Variants in DUSP11 observed in about 807,000 individuals in gnomAD.
The protein encoded by DUSP11 is dual specificity phosphatase 11.
Under a neutral mutation model 41.4 loss-of-function variants are expected in DUSP11, and 27 were observed. The ratio of observed to expected loss-of-function variants is 0.65; its 90% CI spans 0.48 to 0.90. The LOEUF (loss-of-function observed/expected upper bound fraction) is 0.90. Among genes scored for constraint, DUSP11 ranks in the 40% least tolerant of loss-of-function variants. The pLI is 0.00. For synonymous variants in DUSP11, 188 were observed against 159.3 expected (o/e 1.18, Z -1.35); for missense variants, 465 against 461.1 (o/e 1.01, Z -0.08).
At chr2:73,771,331 G>A (rs1260451350) in intron 4 of DUSP11, among the ~76,000 whole-genome samples, 2 of 152,174 alleles carry the variant, frequency 1.3e-5, no homozygotes, top group Non-Finnish European at 2.9e-5. Context: ...TTTAGGCCCT[G>A]TGCCTTTTGT....
intron 4 of DUSP11, among the ~76,000 whole-genome samples, chr2:73,770,345 T>A (rs1474595361): frequency 6.6e-6 from 1 of 151,460 alleles, no homozygotes; most frequent in African/African-American, 2.4e-5. Context: ...TGAAACCCCA[T>A]CTCTACTAAA....
chr2:73,769,624 A>G (rs1672534514), intron 4 of DUSP11, among the ~76,000 whole-genome samples: 1 of 152,252 alleles, frequency 6.6e-6, no homozygotes, highest in Non-Finnish European at 1.5e-5. Context: ...TTATACAAAA[A>G]GGGAGTGAAA....
exon 1 of DUSP11, chr2:73,779,906 G>A: frequency 1.2e-6 from 2 of 1,614,192 alleles, no homozygotes; most frequent in South Asian, 2.2e-5. Context: ...CCTTCTTCTT[G>A]GCTGAGGAGC....
intron 5 of DUSP11, chr2:73,768,669 G>T (rs1672516155): frequency 1.0e-6 from 1 of 985,332 alleles, no homozygotes; most frequent in Non-Finnish European, 1.2e-6. Flanking sequence ...AAAGAATAAG[G>T]AGTCTGGCCA....
chr2:73,779,416 G>C (rs528769258), intron 1 of DUSP11: 1 of 180,724 alleles, frequency 5.5e-6, no homozygotes, highest in South Asian at 1.1e-4. Flanking sequence ...TTCAAATGAG[G>C]CCTGTTAGGA....
intron 1 of DUSP11, 27 bp downstream of exon 1, chr2:73,779,847 C>G (rs958029771): frequency 6.2e-7 from 1 of 1,611,726 alleles, no homozygotes; most frequent in Admixed American, 1.7e-5. Context: ...GCTGGAAAGG[C>G]CACGCCAAGG....
chr2:73,778,038 C>T (rs1672716469), intron 2 of DUSP11, among the ~76,000 whole-genome samples: 1 of 151,814 alleles, frequency 6.6e-6, no homozygotes, highest in Non-Finnish European at 1.5e-5. Context: ...CATGTCCAAA[C>T]ATTTATATAT....
chr2:73,773,459 G>T, intron 4 of DUSP11: 2 of 385,384 alleles, frequency 5.2e-6, no homozygotes, highest in East Asian at 8.2e-5. Flanking sequence ...ATAACTCTAA[G>T]ACTCAGAGTT....
chr2:73,773,584 C>A, intron 4 of DUSP11: 1 of 459,402 alleles, frequency 2.2e-6, no homozygotes, highest in Non-Finnish European at 3.9e-6. Context: ...CAGTTCAGTT[C>A]ATATTTTGCA....
intron 5 of DUSP11, 101 bp from the exon 6 acceptor site, chr2:73,767,308 A>C: frequency 2.3e-6 from 2 of 864,806 alleles, no homozygotes; most frequent in Non-Finnish European, 3.8e-6. Context: ...AGATATAAAA[A>C]TCCTAAGAAA....
intron 8 of DUSP11, among the ~76,000 whole-genome samples, chr2:73,765,567 T>C (rs1672444928): frequency 1.3e-5 from 2 of 151,046 alleles, no homozygotes; most frequent in Admixed American, 6.6e-5. Context: ...CATCCACCCA[T>C]CCATCTATCC....
chr2:73,776,509 G>A (rs867875428), intron 2 of DUSP11, among the ~76,000 whole-genome samples: 1 of 150,940 alleles, frequency 6.6e-6, no homozygotes, highest in African/African-American at 2.4e-5. Flanking sequence ...CATGTACTTT[G>A]CCTTCCCCAA....
exon 4 of DUSP11, chr2:73,773,899 A>C (rs1558534608): frequency 6.2e-7 from 1 of 1,603,972 alleles, no homozygotes; most frequent in South Asian, 1.1e-5. Flanking sequence ...AAAATTTTTA[A>C]GTAAGGAACA....
intron 3 of DUSP11, 31 bp from the exon 4 acceptor site, chr2:73,773,954 T>A: frequency 6.6e-7 from 1 of 1,521,156 alleles, no homozygotes; most frequent in Non-Finnish European, 8.9e-7. Context: ...AGATGTGTAT[T>A]ATTTCACTTG....
intron 8 of DUSP11, among the ~76,000 whole-genome samples, chr2:73,766,133 C>A (rs1672454584): frequency 6.6e-6 from 1 of 152,080 alleles, no homozygotes; most frequent in Admixed American, 6.6e-5. Flanking sequence ...CATGGTGAAA[C>A]CCCATCTCTA....
chr2:73,763,978 C>T (rs899268246), intron 8 of DUSP11, among the ~76,000 whole-genome samples: 9 of 152,156 alleles, frequency 5.9e-5, no homozygotes, highest in African/African-American at 1.7e-4. Context: ...AGAAATATAG[C>T]AGCTACAAGT....
intron 1 of DUSP11, chr2:73,779,356 T>C (rs145834078): frequency 0.011 from 1,820 of 166,720 alleles, 130 homozygotes; most frequent in Admixed American, 0.086. Context: ...TCAATGCACC[T>C]ACGTGCAAAG....
exon 1 of DUSP11, chr2:73,779,974 T>C: frequency 6.2e-7 from 1 of 1,614,216 alleles, no homozygotes; most frequent in Non-Finnish European, 8.5e-7. Context: ...CACTGGCTCA[T>C]GTGGGTCCCA....
chr2:73,776,211 G>A (rs1035436738), intron 2 of DUSP11, among the ~76,000 whole-genome samples: 4 of 151,718 alleles, frequency 2.6e-5, no homozygotes, highest in East Asian at 1.9e-4. Flanking sequence ...TCAGGAGATC[G>A]AGACCATCCT....
Sources: gnomAD v4.1 joint callset for allele counts (sites outside exome capture counted in the v4.1 genomes callset) on GRCh38, gnomAD v4.1.1 for gene constraint, MANE v1.5 for transcripts, NCBI Gene and HGNC (gene_info 2026-07-23, HGNC 2026-07-21) for gene names.